AP4B1: variants seen among roughly 807,000 people sequenced by gnomAD.
The protein encoded by AP4B1 is adaptor related protein complex 4 subunit beta 1.
A neutral mutation model predicts 76.5 loss-of-function variants in AP4B1; 49 were observed. That is an observed-to-expected ratio of 0.64 (90% CI 0.51 to 0.81). AP4B1 has a LOEUF of 0.81. Among genes scored for constraint, AP4B1 ranks in the 40% least tolerant of loss-of-function variants. The pLI is 0.00. For synonymous variants in AP4B1, 330 were observed against 333.3 expected, an observed-to-expected ratio of 0.99 and a Z score of 0.11; for missense variants, 911 against 904.9, an observed-to-expected ratio of 1.01 and a Z score of -0.09.
intron 1 of AP4B1, 49 bp downstream of exon 1, chr1:113,904,556 T>C (rs1345654204): frequency 1.9e-6 from 3 of 1,546,100 alleles, no homozygotes; most frequent in South Asian, 2.2e-5. Flanking sequence ...TGAGCCCTGA[T>C]GGGGATTGCA....
chr1:113,902,273 T>G lies in AP4B1; in HGVS notation c.338+365A>C, dbSNP rs574928114. 5.3e-5 allele frequency among the ~76,000 whole-genome samples: 8 copies of G among 152,282 alleles called. No homozygotes were observed. The South Asian group carries it at 1.7e-3, about 32-fold the overall frequency. On this transcript the variant is annotated intron_variant, in intron 2 of 9. Coordinates refer to ENST00000369569, the MANE Select transcript of AP4B1 (RefSeq NM_001253852.3). ...CTCAAATTCCTGGGCTCAAGCAATC[T>G]TCCTGTCTAAGCCTCCCAAAGTGCT...
intron 9 of AP4B1, 81 bp downstream of exon 9, chr1:113,895,676 G>T: frequency 1.3e-6 from 2 of 1,587,146 alleles, no homozygotes; most frequent in Non-Finnish European, 1.7e-6. Context: ...GAGGTTTAGT[G>T]CTAAGATACT....
At chr1:113,898,483 G>T (rs778595823) in intron 6 of AP4B1, among the ~76,000 whole-genome samples, 1 of 152,152 alleles carries the variant, frequency 6.6e-6, no homozygotes, top group African/African-American at 2.4e-5. Context: ...TATCAAGCAA[G>T]GTCATCCTAG....
chr1:113,901,007 T>A (rs1157142381), intron 4 of AP4B1: 1 of 537,932 alleles, frequency 1.9e-6, no homozygotes, highest in Admixed American at 3.1e-5. Flanking sequence ...CTCGGGAGGC[T>A]GAGGCAGGAG....
At chr1:113,904,961 C>G, upstream of AP4B1, 1 of 494,916 alleles carries the variant, frequency 2.0e-6, no homozygotes, top group Non-Finnish European at 3.7e-6. Flanking sequence ...GCAGGCCGTT[C>G]GCCCCGCCCA....
intron 6 of AP4B1, 58 bp downstream of exon 6, chr1:113,898,660 C>T: frequency 7.7e-7 from 1 of 1,293,660 alleles, no homozygotes; most frequent in South Asian, 1.2e-5. Context: ...TTTTGAGCAA[C>T]TACTATAGGC....
intron 5 of AP4B1, 139 bp downstream of exon 5, chr1:113,899,765 T>G: frequency 7.2e-7 from 1 of 1,383,432 alleles, no homozygotes; most frequent in Non-Finnish European, 1.0e-6. Flanking sequence ...GTGTTTGTAG[T>G]CACTGACCCA....
In AP4B1 at chr1:113,896,037, C is replaced by T. The variant is rs1553257180; in HGVS notation, c.1512G>A (p.Glu504=). The T allele has an allele frequency of 2.5e-6, 4 of 1,614,172 alleles. No individual in the cohort carries two copies. The highest frequency in any genetic ancestry group is 1.6e-4 in the Middle Eastern group (1 of 6,062). Residue 504 remains glutamate, a splice_region_variant and synonymous_variant, in exon 9 of 10, where the codon GAG becomes GAA. Coordinates refer to ENST00000369569, the MANE Select transcript of AP4B1 (RefSeq NM_001253852.3). ...MLGRLLYYCI[E]EEKDMAVRDR... is the part of the protein sequence containing the mutation. The stretch of plus-strand genomic sequence containing the variant: ...CCCGTACAGCCATATCTTTTTCTTC[C>T]TCTGAGGTAAGACAACAGATTGACT...
rs1341070505 is a variant in AP4B1 at position 113,895,983 on chromosome 1, G to A, written c.1566C>T (p.Leu522=). The A allele has an allele frequency of 6.2e-7, 1 of 1,614,214 alleles. No individual in the cohort carries two copies. The highest frequency in any genetic ancestry group is 1.1e-5 in the South Asian group (1 of 91,084). Residue 522 remains leucine, a synonymous_variant, in exon 9 of 10, where the codon CTC becomes CTT. Transcript: ENST00000369569. ...GCTTAACTTCATCAATGCCAACTAA[G>A]AGGAGGCGATAATAGAAGAGACCTC... The part of the protein sequence containing the change: ...RDRGLFYYRL[L]LVGIDEVKRI...
At position 113,895,426 on chromosome 1, in the gene AP4B1, A is replaced by G. The variant is rs569988158; in HGVS notation, c.1859T>C (p.Leu620Pro). ...QELPDSGALM[L>P]VPNRQLTADY... ...AGCAGTAAGCTGGCGATTGGGGACT[A>G]GCATGAGGGCTCCAGAATCAGGGAG... The change falls in exon 10 of 10, where the codon CTA (leucine) becomes CCA (proline). Residue 620 changes from leucine (L) to proline (P), a missense_variant. By Grantham distance (98) the Leu-to-Pro change is moderately conservative. Coordinates refer to ENST00000369569, the MANE Select transcript of AP4B1 (RefSeq NM_001253852.3). The G allele has an allele frequency of 2.7e-5, 44 of 1,614,236 alleles. No homozygotes were observed. In the East Asian group the frequency reaches 7.8e-4, roughly 29 times the overall value.
chr1:113,897,690 T>A (rs760011130), intron 7 of AP4B1, 150 bp downstream of exon 7: 37 of 768,298 alleles, frequency 4.8e-5, no homozygotes, highest in Non-Finnish European at 7.8e-5. Flanking sequence ...TTATATGCCA[T>A]CTATATCCAA....
chr1:113,898,570 T>C, intron 6 of AP4B1, 148 bp downstream of exon 6: 1 of 748,058 alleles, frequency 1.3e-6, no homozygotes, highest in Non-Finnish European at 2.4e-6. Flanking sequence ...ATCTATAGAC[T>C]TTATGCTTCT....
intron 6 of AP4B1, 142 bp downstream of exon 6, chr1:113,898,576 C>T: frequency 1.3e-6 from 1 of 761,018 alleles, no homozygotes; most frequent in Admixed American, 1.9e-5. Flanking sequence ...AGACTTTATG[C>T]TTCTCTAACA....
intron 8 of AP4B1, 30 bp downstream of exon 8, chr1:113,896,228 G>A (rs969436972): frequency 6.2e-7 from 1 of 1,612,230 alleles, no homozygotes; most frequent in Non-Finnish European, 8.5e-7. Flanking sequence ...ATGGGTCATG[G>A]CAAATACTAT....
chr1:113,904,228 G>A (rs1315981959), intron 1 of AP4B1, among the ~76,000 whole-genome samples: 1 of 152,184 alleles, frequency 6.6e-6, no homozygotes, highest in African/African-American at 2.4e-5. Flanking sequence ...AATGTAAGCT[G>A]AACAGGTTTG....
Position 113,900,168 on chromosome 1 carries a change from C to T in AP4B1, c.850G>A (p.Ala284Thr), listed in dbSNP as rs1171914720. 6.2e-7 allele frequency: 1 copy of T among 1,614,086 alleles called. No individual in the cohort carries two copies. Among genetic ancestry groups the T allele is most frequent in the African/African-American group, 1.3e-5 (1 of 74,930 alleles). ...AGCTCACGGCTCTCTGAAGAACAGGCAGCTAGCAAAGGTCCCTTGACCCGC... is the reference window on the plus strand; with the variant it reads ...AGCTCACGGCTCTCTGAAGAACAGGTAGCTAGCAAAGGTCCCTTGACCCGC... ...LVRVKGPLLA[A>T]CSSESRELCF... Residue 284 changes from alanine to threonine, a missense_variant, in exon 5 of 10, where the codon GCC (alanine) becomes ACC (threonine). Ala to Thr is a moderately conservative substitution (Grantham distance 58). Transcript: ENST00000369569.
Position 113,898,715 on chromosome 1 carries a change from T to C in AP4B1, c.1198+3A>G. The C allele has an allele frequency of 1.9e-6, 3 of 1,607,824 alleles. No individual in the cohort carries two copies. The highest frequency in any genetic ancestry group is 3.3e-5 in the Admixed American group (2 of 60,020). On this transcript the variant is annotated splice_donor_region_variant and intron_variant, in intron 6 of 9. Coordinates refer to ENST00000369569, the MANE Select transcript of AP4B1 (RefSeq NM_001253852.3). Reference sequence around the variant, plus strand: ...ACAAAAATCCTAAAAAGGCAGGCATTACCTGTGGTAATGTGCTCTTGTCGA... The same window carrying C: ...ACAAAAATCCTAAAAAGGCAGGCATCACCTGTGGTAATGTGCTCTTGTCGA...
chr1:113,902,542 T>C, intron 2 of AP4B1, 96 bp downstream of exon 2: 1 of 1,259,528 alleles, frequency 7.9e-7, no homozygotes, highest in Admixed American at 1.8e-5. Context: ...TCCCCAGTAT[T>C]AAGGAGCTCA....
chr1:113,894,984 G>A lies in AP4B1; in HGVS notation c.*81C>T, dbSNP rs1251559347. On this transcript the variant is annotated 3_prime_UTR_variant, in exon 10 of 10. Coordinates refer to ENST00000369569, the MANE Select transcript of AP4B1 (RefSeq NM_001253852.3). ...TCTCCTTTGTATCTGATATTATCTG[G>A]ACTTACTGGCAGCTCTAATAGGAAA... 6.3e-6 allele frequency: 9 copies of A among 1,420,852 alleles called. No homozygotes were observed. The East Asian group carries it at 2.2e-4, about 35-fold the overall frequency. The allele number at this position is 1,420,852 out of a possible 1,614,324, so 88.0% of individuals were successfully genotyped here.
Sources: allele counts gnomAD v4.1 joint callset (sites outside exome capture counted in the v4.1 genomes callset), GRCh38; gene constraint gnomAD v4.1.1; transcripts MANE v1.5; gene names NCBI Gene and HGNC (gene_info 2026-07-23, HGNC 2026-07-21).